The following SERPINB12 variants were observed in gnomAD, a reference collection of about 807,000 sequenced individuals.
SERPINB12 encodes the protein serpin B12.
Under a neutral mutation model 41.1 loss-of-function variants are expected in SERPINB12, and 57 were observed. That is an observed-to-expected ratio of 1.39 (90% CI 1.12 to 1.73). The LOEUF (loss-of-function observed/expected upper bound fraction) is 1.73. Among genes scored for constraint, SERPINB12 ranks in the 40% most tolerant of loss-of-function variants. SERPINB12 has a pLI of 0.00. For missense variants in SERPINB12, 536 were observed against 501.9 expected, an observed-to-expected ratio of 1.07 and a Z score of -0.65; for synonymous variants, 180 against 181.3, an observed-to-expected ratio of 0.99 and a Z score of 0.06.
In SERPINB12 at chr18:63,556,224, A is replaced by G. The variant is rs746637423; in HGVS notation, c.65A>G (p.Asp22Gly). The change falls in exon 2 of 8, where the codon GAT becomes GGT. Residue 22 changes from aspartate to glycine, a missense_variant. Physicochemically the swap from Asp to Gly is moderately conservative, Grantham distance 94 (BLOSUM62 -1). Coordinates refer to ENST00000382768, the MANE Select transcript of SERPINB12 (RefSeq NM_001307928.2). Reference sequence around the variant, plus strand: ...GATCTTTTTCAAGAGATAGGCAAAGATGATCGTCATAAAAACATATTTTTC... The same window carrying G: ...GATCTTTTTCAAGAGATAGGCAAAGGTGATCGTCATAAAAACATATTTTTC... ...CFDLFQEIGK[D>G]DRHKNIFFSP... 1.2e-6 allele frequency: 2 copies of G among 1,614,072 alleles called. No individual in the cohort carries two copies. Among genetic ancestry groups the G allele is most frequent in the Non-Finnish European group, 1.7e-6 (2 of 1,179,958 alleles).
Position 63,556,321 on chromosome 18 carries a change from T to G in SERPINB12, c.162T>G (p.Ile54Met), listed in dbSNP as rs1910677134. The G allele has an allele frequency of 6.2e-7, 1 of 1,613,720 alleles. No individual in the cohort carries two copies. Among genetic ancestry groups the G allele is most frequent in the African/African-American group, 1.3e-5 (1 of 75,024 alleles). Reference protein sequence around the residue: ...LGARSDSAHQIDEVLHFNEFS... With the variant: ...LGARSDSAHQMDEVLHFNEFS... The stretch of plus-strand genomic sequence containing the variant: ...CTAGAAGTGACAGTGCACATCAGAT[T>G]GATGAGGTACGTGTCCACTAGGGTG... Residue 54 changes from isoleucine to methionine, a missense_variant, in exon 2 of 8, where the codon ATT becomes ATG. Physicochemically the swap from Ile to Met is conservative, Grantham distance 10 (BLOSUM62 1). Transcript: ENST00000382768.
At chr18:63,532,476 G>T in the SERPINB12 span, among the ~76,000 whole-genome samples, 64 of 152,278 alleles carry the variant, frequency 4.2e-4, no homozygotes, top group African/African-American at 1.5e-3. Flanking sequence ...GGGGTTTGGG[G>T]TACAGCAAGA....
At chr18:63,560,548 T>C (rs1910868740) in intron 4 of SERPINB12, among the ~76,000 whole-genome samples, 1 of 152,232 alleles carries the variant, frequency 6.6e-6, no homozygotes, top group Admixed American at 6.5e-5. Flanking sequence ...GTTTGGTATA[T>C]TACATTACTG....
intron 4 of SERPINB12, among the ~76,000 whole-genome samples, chr18:63,560,053 C>T (rs1910850376): frequency 6.6e-6 from 1 of 152,198 alleles, no homozygotes; most frequent in African/African-American, 2.4e-5. Flanking sequence ...CTGGTTGCTG[C>T]ACTTCTCTCT....
At chr18:63,530,545 G>A in the SERPINB12 span, among the ~76,000 whole-genome samples, 1 of 152,136 alleles carries the variant, frequency 6.6e-6, no homozygotes, top group South Asian at 2.1e-4. Flanking sequence ...ACGACTGTTG[G>A]AATCAATCAA....
intron 5 of SERPINB12, among the ~76,000 whole-genome samples, chr18:63,563,748 T>C (rs913139371): frequency 6.6e-6 from 1 of 151,992 alleles, no homozygotes; most frequent in Non-Finnish European, 1.5e-5. Flanking sequence ...AATAAAAAAT[T>C]AGCCAGGCAT....
intron 3 of SERPINB12, 135 bp from the exon 4 acceptor site, chr18:63,559,443 A>C (rs1356671454): frequency 1.2e-6 from 1 of 841,810 alleles, no homozygotes; most frequent in Non-Finnish European, 1.8e-6. Context: ...CACTTCCCCC[A>C]GCATGGTAAC....
rs1007064382 is a variant in SERPINB12, at chr18:63,569,012, T to C, written c.*2001T>C. On this transcript the variant is annotated 3_prime_UTR_variant, in exon 8 of 8. Coordinates refer to ENST00000382768, the MANE Select transcript of SERPINB12 (RefSeq NM_001307928.2). Reference sequence around the variant, plus strand: ...CTGTGGTTCCTTTTGGGGTTGACGTTTTGGGGGCTGTTTCCATGTCTGACT... The same window carrying C: ...CTGTGGTTCCTTTTGGGGTTGACGTCTTGGGGGCTGTTTCCATGTCTGACT... Among the ~76,000 whole-genome samples, 13 of 152,170 alleles carry C rather than the reference T, an allele frequency of 8.5e-5. No individual in the cohort carries two copies. The highest frequency in any genetic ancestry group is 7.9e-4 in the Admixed American group (12 of 15,280).
the SERPINB12 span, among the ~76,000 whole-genome samples, chr18:63,522,334 T>C: frequency 1.3e-5 from 2 of 152,200 alleles, no homozygotes; most frequent in Non-Finnish European, 2.9e-5. Context: ...GAGATTCTTA[T>C]TGCTAGAAAA....
At chr18:63,536,181 T>C in the SERPINB12 span, among the ~76,000 whole-genome samples, 1 of 151,910 alleles carries the variant, frequency 6.6e-6, no homozygotes, top group African/African-American at 2.4e-5. Context: ...AAAGAAACAG[T>C]TCTTTCAAAA....
At chr18:63,522,700 C>T in the SERPINB12 span, among the ~76,000 whole-genome samples, 2 of 152,088 alleles carry the variant, frequency 1.3e-5, no homozygotes, top group Non-Finnish European at 1.5e-5. Flanking sequence ...TAGAAATCTG[C>T]ATTCGAGAGT....
At chr18:63,534,836 C>T in the SERPINB12 span, among the ~76,000 whole-genome samples, 2 of 152,040 alleles carry the variant, frequency 1.3e-5, no homozygotes, top group African/African-American at 2.4e-5. Context: ...TTCCTGTGAT[C>T]GAACCTATTT....
chr18:63,551,469 G>A (rs1198595865), intron 1 of SERPINB12, among the ~76,000 whole-genome samples: 1 of 151,890 alleles, frequency 6.6e-6, no homozygotes, highest in Non-Finnish European at 1.5e-5. Context: ...GGGATTACAG[G>A]TGCATGCCAC....
intron 1 of SERPINB12, among the ~76,000 whole-genome samples, chr18:63,551,513 C>T (rs1347534175): frequency 1.3e-5 from 2 of 151,832 alleles, no homozygotes; most frequent in Non-Finnish European, 2.9e-5. Context: ...TTAGTAGAAA[C>T]GGGGTTTCAC....
rs374412911 is a variant in SERPINB12 at position 63,566,860 on chromosome 18, G to C, written c.1127G>C (p.Gly376Ala). 1 of 1,614,120 alleles carries C rather than the reference G, an allele frequency of 6.2e-7. No individual in the cohort carries two copies. The highest frequency in any genetic ancestry group is 2.2e-5 in the East Asian group (1 of 44,888). ...ACCTTTGTGGAGGTGGATGAAAACG[G>C]TACCCAGGCAGCTGCAGCCACTGGG... Reference protein sequence around the residue: ...HKTFVEVDENGTQAAAATGAV... With the variant: ...HKTFVEVDENATQAAAATGAV... Residue 376 changes from glycine to alanine, a missense_variant, in exon 8 of 8, where the codon GGT (glycine) becomes GCT (alanine). By Grantham distance (60) the Gly-to-Ala change is moderately conservative (BLOSUM62 0). Coordinates refer to ENST00000382768, the MANE Select transcript of SERPINB12 (RefSeq NM_001307928.2).
At chr18:63,527,492 G>T in the SERPINB12 span, among the ~76,000 whole-genome samples, 20 of 152,302 alleles carry the variant, frequency 1.3e-4, no homozygotes, top group African/African-American at 4.6e-4. Flanking sequence ...GTCTTCTGGT[G>T]GGGGAAGTGG....
intron 2 of SERPINB12, 21 bp from the exon 3 acceptor site, chr18:63,558,331 C>T (rs73961725): frequency 1.2e-6 from 2 of 1,604,954 alleles, no homozygotes; most frequent in African/African-American, 2.7e-5. Context: ...ATCTGAAAGA[C>T]CCCATCCCGT....
intron 4 of SERPINB12, among the ~76,000 whole-genome samples, chr18:63,560,639 G>A (rs74257023): frequency 0.035 from 5,267 of 152,194 alleles, 304 homozygotes; most frequent in East Asian, 0.29. Context: ...CATTCACAAT[G>A]TTGTGTAACC....
chr18:63,546,561 A>T (rs946439953), intron 1 of SERPINB12, among the ~76,000 whole-genome samples: 1 of 152,230 alleles, frequency 6.6e-6, no homozygotes, highest in Non-Finnish European at 1.5e-5. Flanking sequence ...AATAATGCAA[A>T]AATTCAAATA....
Sources: allele counts gnomAD v4.1 joint callset (sites outside exome capture counted in the v4.1 genomes callset), GRCh38; gene constraint gnomAD v4.1.1; transcripts MANE v1.5; gene names NCBI Gene and HGNC (gene_info 2026-07-23, HGNC 2026-07-21).